TMC6: variants seen among roughly 807,000 people sequenced by gnomAD.
The protein encoded by TMC6 is transmembrane channel-like protein 6.
In TMC6, 71 loss-of-function variants were observed where a neutral mutation model predicts 95.4. The observed-to-expected ratio is 0.74, with a 90% CI of 0.61 to 0.91. The LOEUF (loss-of-function observed/expected upper bound fraction) is 0.91. Ranked by LOEUF, TMC6 falls within the 40% of genes least tolerant of loss-of-function variation. TMC6 has a pLI of 0.00. For synonymous variants in TMC6, 514 were observed against 483.1 expected (o/e 1.06, Z -0.84); for missense variants, 1,074 against 1,079.1 (o/e 1.00, Z 0.07).
chr17:78,131,103 G>A (rs1460792284), upstream of TMC6: 1 of 226,932 alleles, frequency 4.4e-6, no homozygotes, highest in Admixed American at 5.4e-5. Context: ...GTGGGGTTTG[G>A]GACACAGGCT....
At position 78,122,576 on chromosome 17, in the gene TMC6, G is replaced by A. The variant is rs1021065948; in HGVS notation, c.1227+29C>T. 8 of 1,605,306 alleles carry A rather than the reference G, an allele frequency of 5.0e-6. No homozygotes were observed. Among genetic ancestry groups the A allele is most frequent in the African/African-American group, 1.3e-5 (1 of 74,910 alleles). ...GGCCAGGCCTGCAGGGAGCTGGGCA[G>A]GCCAGCTTGGTGCTCCGGGGCCACT... is the stretch of plus-strand genomic sequence containing the variant. On this transcript the variant is annotated intron_variant, in intron 10 of 19. Transcript: ENST00000590602. This position sits in a 1 kb window ranked among gnomAD's most constrained non-coding sequence, Gnocchi z 4.9.
intron 9 of TMC6, among the ~76,000 whole-genome samples, chr17:78,123,363 A>G (rs2074509207): frequency 6.6e-6 from 1 of 151,830 alleles, no homozygotes; most frequent in South Asian, 2.1e-4. Context: ...GGATGGATGA[A>G]TAAATGTGTG....
upstream of TMC6, chr17:78,130,517 C>A (rs1012709138): frequency 3.9e-5 from 6 of 152,374 alleles, no homozygotes; most frequent in Non-Finnish European, 8.8e-5. Context: ...GACCAGTGGA[C>A]CCTAGGGCTG....
rs781004703 is a variant in TMC6 at position 78,120,752 on chromosome 17, T to G, written c.1616A>C (p.Gln539Pro). The G allele has an allele frequency of 6.2e-7, 1 of 1,613,526 alleles. No homozygotes were observed. The change falls in exon 13 of 20, where the codon CAG becomes CCG. Residue 539 changes from glutamine (Q) to proline (P), a missense_variant. Gln to Pro is a moderately conservative substitution (Grantham distance 76). Coordinates refer to ENST00000590602, the MANE Select transcript of TMC6 (RefSeq NM_001127198.5). Reference sequence around the variant, plus strand: ...CTGGCCCACAAAATCCTCCCAGCACTGGCCCTGCAGGACGCCCACCCTGCG... The same window carrying G: ...CTGGCCCACAAAATCCTCCCAGCACGGGCCCTGCAGGACGCCCACCCTGCG... Reference protein sequence around the residue: ...LGRRVGVLQGQCWEDFVGQEL... With the variant: ...LGRRVGVLQGPCWEDFVGQEL...
At chr17:78,113,683 T>C (rs144754791) in intron 18 of TMC6, 59 bp from the exon 19 acceptor site, 71 of 1,578,606 alleles carry the variant, frequency 4.5e-5, no homozygotes, top group Non-Finnish European at 6.2e-5. Flanking sequence ...TCCAGAGCCA[T>C]CCTGTTCCAA....
chr17:78,132,271 C>T (rs920159124), upstream of TMC6: 44 of 1,525,658 alleles, frequency 2.9e-5, no homozygotes, highest in African/African-American at 4.8e-4. Context: ...GGGCACCCCA[C>T]GCCGTCCGGT....
Position 78,125,273 on chromosome 17 carries a change from G to A in TMC6, c.431-10C>T, listed in dbSNP as rs778781842. 3.2e-6 allele frequency: 5 copies of A among 1,557,728 alleles called. No individual in the cohort carries two copies. The highest frequency in any genetic ancestry group is 1.9e-5 in the Admixed American group (1 of 51,862). Reference sequence around the variant, plus strand: ...AGGAGGCTCTGCTTCTCTGCGAGAGGGAGAGGGAGGTCCTGCCCATCCCCA... The same window carrying A: ...AGGAGGCTCTGCTTCTCTGCGAGAGAGAGAGGGAGGTCCTGCCCATCCCCA... On this transcript the variant is annotated splice_polypyrimidine_tract_variant and intron_variant, in intron 5 of 19. Transcript: ENST00000590602.
At chr17:78,113,436 G>A (rs1016486229) in intron 19 of TMC6, 112 bp downstream of exon 19, 70 of 1,358,158 alleles carry the variant, frequency 5.2e-5, no homozygotes, top group African/African-American at 3.6e-4. Flanking sequence ...GGTCAAAAGC[G>A]GTCAAGTGTC....
intron 15 of TMC6, chr17:78,118,155 G>A (rs981166394): frequency 1.9e-5 from 14 of 720,484 alleles, no homozygotes; most frequent in East Asian, 8.2e-5. Flanking sequence ...GCTGAAGGTC[G>A]CTGCCATGCC....
Position 78,121,594 on chromosome 17 carries a change from C to G in TMC6, c.1345G>C (p.Ala449Pro). ...LLCLGTALGCAVAVHVFSEFM... is the reference protein window; with the variant it reads ...LLCLGTALGCPVAVHVFSEFM... The stretch of plus-strand genomic sequence containing the variant: ...TCCGAGAAGACGTGGACGGCCACGG[C>G]GCAGCCCAGCGCGGTCCCCAGACAC... The change falls in exon 11 of 20, where the codon GCC (alanine) becomes CCC (proline). Residue 449 changes from alanine (A) to proline (P), a missense_variant. Coordinates refer to ENST00000590602, the MANE Select transcript of TMC6 (RefSeq NM_001127198.5). This position sits in a 1 kb window ranked among gnomAD's most constrained non-coding sequence, Gnocchi z 5.6. 6.2e-7 allele frequency: 1 copy of G among 1,611,412 alleles called. No homozygotes were observed. The highest frequency in any genetic ancestry group is 1.8e-4 in the Middle Eastern group (1 of 5,514).
chr17:78,132,326 G>T, upstream of TMC6: 2 of 1,611,514 alleles, frequency 1.2e-6, no homozygotes, highest in African/African-American at 1.3e-5. Flanking sequence ...CCCGGCCCCG[G>T]CCTCCCTGAC....
rs572083133 is a variant in TMC6, at chr17:78,126,731, G to T, written c.56+46C>A. On this transcript the variant is annotated intron_variant, in intron 2 of 19. Transcript: ENST00000590602. ...CCCTGCTCAGGTGACCTCTCCGTGG[G>T]GGGTGGAACATTCCAGCCTCCAGCC... is the stretch of plus-strand genomic sequence containing the variant. The T allele has an allele frequency of 9.3e-6, 15 of 1,611,708 alleles. No homozygotes were observed. In the South Asian group the frequency reaches 1.6e-4, roughly 18 times the overall value.
chr17:78,126,671 G>GC (rs759610388), intron 2 of TMC6, 23 bp from the exon 3 acceptor site: 1 of 1,612,516 alleles, frequency 6.2e-7, no homozygotes, highest in South Asian at 1.1e-5. Context: ...TTGGCGGGGG[G>GC]GTCAGGCTCC....
At chr17:78,129,309 T>C (rs1193556379), upstream of TMC6, among the ~76,000 whole-genome samples, 1 of 152,140 alleles carries the variant, frequency 6.6e-6, no homozygotes, top group East Asian at 1.9e-4. This position sits in a 1 kb window ranked among gnomAD's most constrained non-coding sequence, Gnocchi z 4.3. Flanking sequence ...TAGGTGACTG[T>C]CCCCAGGTGC....
upstream of TMC6, among the ~76,000 whole-genome samples, chr17:78,129,171 G>T (rs1032238925): frequency 6.6e-6 from 1 of 151,966 alleles, no homozygotes; most frequent in African/African-American, 2.4e-5. The surrounding 1 kb of genome is among the most constrained non-coding windows in gnomAD (Gnocchi z 4.3). Flanking sequence ...GACCCCGGCG[G>T]GGGGAGCCTG....
chr17:78,115,158 G>A (rs767854940), intron 18 of TMC6, among the ~76,000 whole-genome samples: 8 of 152,244 alleles, frequency 5.3e-5, no homozygotes, highest in Non-Finnish European at 7.4e-5. Flanking sequence ...CAAGCAATGT[G>A]GGAGCCGTCC....
Position 78,125,791 on chromosome 17 carries a change from C to G in TMC6, c.365G>C (p.Arg122Pro), listed in dbSNP as rs200579060. 9 of 1,561,578 alleles carry G rather than the reference C, an allele frequency of 5.8e-6. No homozygotes were observed. Among genetic ancestry groups the G allele is most frequent in the Non-Finnish European group, 7.8e-6 (9 of 1,153,164 alleles). Residue 122 changes from arginine (R) to proline (P), a missense_variant, in exon 5 of 20, where the codon CGC (arginine) becomes CCC (proline). Physicochemically the swap from Arg to Pro is moderately radical, Grantham distance 103. Coordinates refer to ENST00000590602, the MANE Select transcript of TMC6 (RefSeq NM_001127198.5). The part of the protein sequence containing the change: ...SSRPLLGNFV[R>P]SAWPSLRLYD... The stretch of plus-strand genomic sequence containing the variant: ...CAGGCGGAGGCTGGGCCAGGCGGAG[C>G]GGACAAAGTTCCCGAGCAGGGGCCG...
In TMC6 at chr17:78,112,843, CG is replaced by C. The variant is rs2073861729; in HGVS notation, c.*304del. 2.1e-6 allele frequency: 1 copy of C among 465,424 alleles called. No individual in the cohort carries two copies. Among genetic ancestry groups the C allele is most frequent in the Admixed American group, 4.0e-5 (1 of 25,198 alleles). The allele number at this position is 465,424 out of a possible 1,614,324, so 28.8% of individuals were successfully genotyped here. ...CTGAGGTTCCCAGGACCCAGACCTG[CG>C]CCTGGAGGTGGCCCCAGGGCAGCGG... On this transcript the variant is annotated 3_prime_UTR_variant, in exon 20 of 20. Transcript: ENST00000590602.
At chr17:78,132,361 C>G (rs780579678), upstream of TMC6, 4 of 1,612,964 alleles carry the variant, frequency 2.5e-6, no homozygotes, top group South Asian at 3.3e-5. Context: ...CACTGCAGGC[C>G]TCTTCGGCAC....
Sources: allele counts gnomAD v4.1 joint callset (sites outside exome capture counted in the v4.1 genomes callset), GRCh38; gene constraint gnomAD v4.1.1; non-coding constraint Gnocchi (gnomAD v3.1); transcripts MANE v1.5; gene names NCBI Gene and HGNC (gene_info 2026-07-23, HGNC 2026-07-21).